The following LMBR1 variants were observed in gnomAD, a reference collection of about 807,000 sequenced individuals.
The protein encoded by LMBR1 is limb region 1 protein homolog.
LMBR1 carries 52 observed loss-of-function variants against 73.9 expected under a neutral mutation model. The observed-to-expected ratio is 0.70, with a 90% confidence interval of 0.56 to 0.89. The LOEUF (loss-of-function observed/expected upper bound fraction) is 0.89, where lower values mean the gene tolerates loss of function less well. Among genes scored for constraint, LMBR1 ranks in the 40% least tolerant of loss-of-function variants. The probability of loss-of-function intolerance (pLI) is 0.00; values close to 1 mark genes in which losing one functional copy is unlikely to be tolerated. For synonymous variants in LMBR1, 215 were observed against 209.4 expected (o/e 1.03, Z -0.23); for missense variants, 539 against 579.8 (o/e 0.93, Z 0.72).
chr7:156,688,421 G>T (rs940655118), intron 15 of LMBR1, among the ~76,000 whole-genome samples: 2 of 152,030 alleles, frequency 1.3e-5, no homozygotes, highest in Admixed American at 1.3e-4. Context: ...AGCAAGTGAT[G>T]AGTAATGAGG....
At chr7:156,672,864 T>C (rs1340647560), downstream of LMBR1, among the ~76,000 whole-genome samples, 1 of 152,246 alleles carries the variant, frequency 6.6e-6, no homozygotes, top group South Asian at 2.1e-4. Context: ...GTTAAATAAC[T>C]TTGCATATTT....
chr7:156,799,435 C>A (rs1830572318), intron 4 of LMBR1, among the ~76,000 whole-genome samples: 1 of 152,102 alleles, frequency 6.6e-6, no homozygotes, highest in African/African-American at 2.4e-5. Flanking sequence ...TGATCTATGA[C>A]CAGTGATCTT....
chr7:156,797,512 G>C (rs1336484941), intron 4 of LMBR1, among the ~76,000 whole-genome samples: 1 of 152,242 alleles, frequency 6.6e-6, no homozygotes, highest in Non-Finnish European at 1.5e-5. Flanking sequence ...AAGCAGTGGA[G>C]ATGTGGTGAT....
At chr7:156,832,059 G>C (rs1340520005) in intron 3 of LMBR1, among the ~76,000 whole-genome samples, 1 of 152,184 alleles carries the variant, frequency 6.6e-6, no homozygotes, top group Non-Finnish European at 1.5e-5. Context: ...AAATGTCACA[G>C]GGCTAAGAAT....
At chr7:156,761,976 C>CTCAAAAAAAAAAAAAA (rs1823114128) in intron 8 of LMBR1, among the ~76,000 whole-genome samples, 158 bp downstream of exon 8, 2 of 104,206 alleles carry the variant, frequency 1.9e-5, no homozygotes, top group Admixed American at 2.0e-4. Flanking sequence ...GACTCTGTCT[C>CTCAAAAAAAAAAAAAA]AAAAAAAAAA....
intron 9 of LMBR1, among the ~76,000 whole-genome samples, chr7:156,739,203 G>A (rs922566144): frequency 1.3e-5 from 2 of 152,118 alleles, no homozygotes; most frequent in Non-Finnish European, 2.9e-5. Flanking sequence ...ACTCCCCATG[G>A]GCTGGCAGTG....
chr7:156,842,253 C>G lies in LMBR1; in HGVS notation c.67-5368G>C, dbSNP rs1264486684. ...ATTTAATTATTTAGGTGCCCCAACCCAGTCAGATTAACATCTAAAGGACTG... is the reference window on the plus strand; with the variant it reads ...ATTTAATTATTTAGGTGCCCCAACCGAGTCAGATTAACATCTAAAGGACTG... On this transcript the variant is annotated intron_variant, in intron 1 of 16. Transcript: ENST00000353442. 2.0e-5 allele frequency among the ~76,000 whole-genome samples: 3 copies of G among 146,826 alleles called. 1 individual carries two copies. Among genetic ancestry groups the G allele is most frequent in the Non-Finnish European group, 4.5e-5 (3 of 66,724 alleles).
rs1044482539 is a variant in LMBR1, at chr7:156,720,687, TAA to T, written c.1225+3423_1225+3424del. On this transcript the variant is annotated intron_variant, in intron 15 of 16. Transcript: ENST00000353442. ...AGTTAAATAATAAAGTTAATAATAA[TAA>T]GTCATATTATTCATTTATTATTTTC... Among the ~76,000 whole-genome samples the T allele has an allele frequency of 2.4e-4, 37 of 151,438 alleles. No individual in the cohort carries two copies. In the East Asian group the frequency reaches 6.2e-3, roughly 25 times the overall value.
Position 156,670,474 on chromosome 7 carries a change from T to C in LMBR1, n.867-1187A>G, listed in dbSNP as rs1029005908. ...GAACACGTGGGACAGAGGCAACAGC[T>C]TGAAGCAACAAAGGCTAAGAATTTT... On this transcript the variant is annotated intron_variant and non_coding_transcript_variant, in intron 4 of 4. Transcript: ENST00000430825. This position sits in a 1 kb window ranked among gnomAD's most constrained non-coding sequence, Gnocchi z 4.3. 6.6e-6 allele frequency among the ~76,000 whole-genome samples: 1 copy of C among 152,216 alleles called. No homozygotes were observed. Among genetic ancestry groups the C allele is most frequent in the Non-Finnish European group, 1.5e-5 (1 of 68,044 alleles).
At position 156,728,659 on chromosome 7, in the gene LMBR1, G is replaced by T; in HGVS notation, c.900C>A (p.Leu300=). Residue 300 remains leucine (L), a synonymous_variant, in exon 11 of 17, where the codon CTC becomes CTA. Transcript: ENST00000353442. The part of the protein sequence containing the change: ...RNLVYPAVMV[L]LLIETSISVL... Reference sequence around the variant, plus strand: ...AAATTCTTACTGTCTCAATAAGAAGGAGAACCATAACAGCGGGATACACCA... The same window carrying T: ...AAATTCTTACTGTCTCAATAAGAAGTAGAACCATAACAGCGGGATACACCA... The T allele has an allele frequency of 6.3e-7, 1 of 1,597,192 alleles. No individual in the cohort carries two copies. The highest frequency in any genetic ancestry group is 8.5e-7 in the Non-Finnish European group (1 of 1,175,508).
chr7:156,793,804 A>G (rs541077850), intron 5 of LMBR1, among the ~76,000 whole-genome samples: 2 of 152,356 alleles, frequency 1.3e-5, no homozygotes, highest in South Asian at 2.1e-4. Context: ...TGTGCATTAC[A>G]TGAATAATCA....
chr7:156,885,078 C>T lies in LMBR1; in HGVS notation c.66+7850G>A, dbSNP rs1393620762. The stretch of plus-strand genomic sequence containing the variant: ...GTGTAAGTCCCAGTCTGGCTGGGCA[C>T]GGTGGCTCATGCCTGTAATCCCAGC... On this transcript the variant is annotated intron_variant, in intron 1 of 16. Coordinates refer to ENST00000353442, the MANE Select transcript of LMBR1 (RefSeq NM_022458.4). Among the ~76,000 whole-genome samples the T allele has an allele frequency of 5.3e-5, 8 of 152,310 alleles. No homozygotes were observed. The East Asian group carries it at 9.6e-4, about 18-fold the overall frequency.
chr7:156,745,161 TTTTG>T (rs1407048557), intron 9 of LMBR1, among the ~76,000 whole-genome samples: 1 of 152,224 alleles, frequency 6.6e-6, no homozygotes, highest in Non-Finnish European at 1.5e-5. Flanking sequence ...CTATTTCTTT[TTTTG>T]TTTGTCTATT....
At chr7:156,781,924 C>A (rs1342290789) in intron 5 of LMBR1, among the ~76,000 whole-genome samples, 1 of 152,202 alleles carries the variant, frequency 6.6e-6, no homozygotes, top group Non-Finnish European at 1.5e-5. Flanking sequence ...CACCACCACC[C>A]ATCTCCAGAA....
At chr7:156,833,905 C>A in intron 2 of LMBR1, 113 bp from the exon 3 acceptor site, 1 of 681,584 alleles carries the variant, frequency 1.5e-6, no homozygotes, top group Admixed American at 3.4e-5. Context: ...TGAACAGAAA[C>A]AATTTTCAAA....
At chr7:156,744,618 C>T (rs1819521164) in intron 9 of LMBR1, among the ~76,000 whole-genome samples, 1 of 152,058 alleles carries the variant, frequency 6.6e-6, no homozygotes, top group African/African-American at 2.4e-5. Context: ...TCTTTTTGTA[C>T]TTTTGGTGTG....
chr7:156,724,742 CTTA>C (rs1308965277), intron 14 of LMBR1, among the ~76,000 whole-genome samples: 1 of 148,406 alleles, frequency 6.7e-6, no homozygotes, highest in Non-Finnish European at 1.5e-5. Flanking sequence ...ATCTCAACTA[CTTA>C]TTAAGTTTAA....
At chr7:156,796,896 T>TA (rs1830137330) in intron 4 of LMBR1, among the ~76,000 whole-genome samples, 1 of 152,220 alleles carries the variant, frequency 6.6e-6, no homozygotes, top group Non-Finnish European at 1.5e-5. Context: ...TTAAGCCTCA[T>TA]AAAAACCCTA....
intron 11 of LMBR1, 78 bp downstream of exon 11, chr7:156,728,566 G>T: frequency 1.0e-6 from 1 of 952,952 alleles, no homozygotes; most frequent in Non-Finnish European, 1.6e-6. Flanking sequence ...CCATTTAGCT[G>T]AGGGAGCTGC....
Sources: allele counts gnomAD v4.1 joint callset (sites outside exome capture counted in the v4.1 genomes callset), GRCh38; gene constraint gnomAD v4.1.1; non-coding constraint Gnocchi (gnomAD v3.1); transcripts MANE v1.5; gene names NCBI Gene and HGNC (gene_info 2026-07-23, HGNC 2026-07-21).